CLVS1: variants seen among roughly 807,000 people sequenced by gnomAD.
CLVS1 encodes clavesin-1.
In CLVS1, 10 loss-of-function variants were observed where a neutral mutation model predicts 33.1. That is an observed-to-expected ratio of 0.30 (90% CI 0.19 to 0.51). CLVS1 has a LOEUF of 0.51. Among genes scored for constraint, CLVS1 ranks in the 20% least tolerant of loss-of-function variants. The probability of loss-of-function intolerance (pLI) is 0.97; values close to 1 mark genes in which losing one functional copy is unlikely to be tolerated. For missense variants in CLVS1, 343 were observed against 433.4 expected, an observed-to-expected ratio of 0.79 and a Z score of 1.85; for synonymous variants, 163 against 166.1, an observed-to-expected ratio of 0.98 and a Z score of 0.14.
chr8:61,063,844 C>T (rs1165716833), intron 1 of CLVS1, among the ~76,000 whole-genome samples: 6 of 152,080 alleles, frequency 3.9e-5, no homozygotes, highest in African/African-American at 4.8e-5. Context: ...TTTCATTGTC[C>T]CTAGTAGGAA....
the CLVS1 span, among the ~76,000 whole-genome samples, chr8:61,033,490 A>G: frequency 6.6e-6 from 1 of 152,150 alleles, no homozygotes; most frequent in Non-Finnish European, 1.5e-5. Context: ...AAAGGTCCAG[A>G]GAAACAGCCC....
chr8:60,977,812 C>T, the CLVS1 span, among the ~76,000 whole-genome samples: 2 of 152,138 alleles, frequency 1.3e-5, no homozygotes, highest in Non-Finnish European at 2.9e-5. Context: ...CCAAGAAGTT[C>T]AATGAACTCC....
chr8:61,359,713 T>G (rs181198431), intron 2 of CLVS1, among the ~76,000 whole-genome samples: 26 of 152,302 alleles, frequency 1.7e-4, no homozygotes, highest in Admixed American at 1.6e-3. Flanking sequence ...TAAATATGAC[T>G]GCATTTTACT....
chr8:60,979,173 C>G, the CLVS1 span, among the ~76,000 whole-genome samples: 179 of 152,260 alleles, frequency 1.2e-3, 1 homozygote, highest in African/African-American at 4.0e-3. Flanking sequence ...GCTAGCAAGC[C>G]AGGTGACATT....
At chr8:61,003,481 A>G in the CLVS1 span, among the ~76,000 whole-genome samples, 1 of 152,140 alleles carries the variant, frequency 6.6e-6, no homozygotes, top group Admixed American at 6.5e-5. Flanking sequence ...GAAGCTTAAT[A>G]AAGCAGCTCC....
chr8:61,429,964 T>C (rs1188978547), intron 3 of CLVS1, among the ~76,000 whole-genome samples: 2 of 152,222 alleles, frequency 1.3e-5, no homozygotes, highest in South Asian at 2.1e-4. Flanking sequence ...GCACAAACAG[T>C]AGAATTTTAG....
At position 61,277,882 on chromosome 8, in the gene CLVS1, C is replaced by CA. The variant is rs199783447; in HGVS notation, c.-151-21786dup. 6.0e-4 allele frequency among the ~76,000 whole-genome samples: 90 copies of CA among 149,470 alleles called. 1 individual carries two copies. Among genetic ancestry groups the CA allele is most frequent in the Admixed American group, 3.1e-3 (47 of 15,022 alleles). ...ACAGTACTTTAGAGAAGTGACAAGA[C>CA]AAAAAAAAAGGACTTTGAGTCTCTG... On this transcript the variant is annotated intron_variant, in intron 2 of 2. Transcript: ENST00000522621.
intron 3 of CLVS1, among the ~76,000 whole-genome samples, chr8:61,405,607 C>T (rs1353452110): frequency 6.6e-6 from 1 of 150,518 alleles, no homozygotes; most frequent in Admixed American, 6.6e-5. Context: ...GGCCCCTCTA[C>T]AAAACATAAT....
At chr8:61,087,633 C>T (rs1805151372) in intron 1 of CLVS1, among the ~76,000 whole-genome samples, 1 of 152,086 alleles carries the variant, frequency 6.6e-6, no homozygotes, top group African/African-American at 2.4e-5. Context: ...GTTGAAGATG[C>T]CCTAATTTCT....
intron 2 of CLVS1, among the ~76,000 whole-genome samples, chr8:61,224,864 C>A (rs1241626285): frequency 2.0e-5 from 3 of 152,140 alleles, no homozygotes; most frequent in Non-Finnish European, 4.4e-5. Context: ...TCTTAGAGAC[C>A]TACAAAGAGG....
intron 1 of CLVS1, among the ~76,000 whole-genome samples, chr8:61,062,486 G>C (rs528422725): frequency 2.0e-5 from 3 of 152,068 alleles, no homozygotes; most frequent in Admixed American, 6.5e-5. Flanking sequence ...ACCACCCTAC[G>C]TTCCTTAAAA....
intron 5 of CLVS1, among the ~76,000 whole-genome samples, chr8:61,498,245 A>G (rs547570340): frequency 6.6e-6 from 1 of 152,176 alleles, no homozygotes; most frequent in South Asian, 2.1e-4. Context: ...CCAAGCATGC[A>G]CTATAAATCA....
chr8:61,474,384 G>A (rs1361022174), intron 5 of CLVS1, among the ~76,000 whole-genome samples: 1 of 152,162 alleles, frequency 6.6e-6, no homozygotes, highest in Non-Finnish European at 1.5e-5. Context: ...AGATGCAGCG[G>A]GCTCAGAAGT....
intron 2 of CLVS1, among the ~76,000 whole-genome samples, chr8:61,307,438 G>A (rs377172691): frequency 2.0e-5 from 3 of 152,098 alleles, no homozygotes; most frequent in Admixed American, 2.0e-4. Flanking sequence ...CCAGAATACA[G>A]AGCAAGGGCC....
chr8:61,015,818 T>C, the CLVS1 span, among the ~76,000 whole-genome samples: 1 of 152,172 alleles, frequency 6.6e-6, no homozygotes, highest in East Asian at 1.9e-4. Flanking sequence ...ATGTGATGGC[T>C]TCCAACCGGC....
chr8:61,343,967 A>G (rs1812114076), intron 2 of CLVS1, among the ~76,000 whole-genome samples: 2 of 152,184 alleles, frequency 1.3e-5, no homozygotes, highest in Non-Finnish European at 2.9e-5. Flanking sequence ...AACATGATAT[A>G]CATACATACA....
intron 2 of CLVS1, among the ~76,000 whole-genome samples, chr8:61,209,338 T>A (rs1807926136): frequency 6.6e-6 from 1 of 152,246 alleles, no homozygotes; most frequent in African/African-American, 2.4e-5. Flanking sequence ...GAGAGTTTTA[T>A]TTCATTCTCA....
intron 1 of CLVS1, among the ~76,000 whole-genome samples, chr8:61,087,938 T>C (rs62524482): frequency 0.19 from 28,952 of 152,160 alleles, 3,046 homozygotes; most frequent in African/African-American, 0.28. Flanking sequence ...ATCCTATCTT[T>C]TGTCCTGCTC....
the CLVS1 span, among the ~76,000 whole-genome samples, chr8:60,996,330 G>T: frequency 4.6e-5 from 7 of 152,258 alleles, no homozygotes; most frequent in African/African-American, 1.7e-4. Context: ...CTCACAGTTG[G>T]CATCTTATGA....
Sources: gnomAD v4.1 joint callset for allele counts (sites outside exome capture counted in the v4.1 genomes callset) on GRCh38, gnomAD v4.1.1 for gene constraint, MANE v1.5 for transcripts, NCBI Gene and HGNC (gene_info 2026-07-23, HGNC 2026-07-21) for gene names.